The following MEGF10 variants were observed in gnomAD, a reference collection of about 807,000 sequenced individuals.
MEGF10 encodes multiple epidermal growth factor-like domains protein 10.
A neutral mutation model predicts 147.5 loss-of-function variants in MEGF10; 86 were observed. The observed-to-expected ratio is 0.58, with a 90% CI of 0.49 to 0.70. The LOEUF (loss-of-function observed/expected upper bound fraction) is 0.70, where lower values mean the gene tolerates loss of function less well. MEGF10 is among the 30% of genes least tolerant of loss of function. The pLI, the probability that MEGF10 is intolerant of heterozygous loss-of-function variation, is 0.00. For missense variants in MEGF10, 1,329 were observed against 1,487.3 expected, an observed-to-expected ratio of 0.89 and a Z score of 1.75; for synonymous variants, 478 against 525.5, an observed-to-expected ratio of 0.91 and a Z score of 1.24.
intron 16 of MEGF10, among the ~76,000 whole-genome samples, chr5:127,436,034 A>G (rs1765543781): frequency 6.6e-6 from 1 of 152,236 alleles, no homozygotes; most frequent in South Asian, 2.1e-4. Flanking sequence ...CATGAAAAAA[A>G]TGACATCGAC....
chr5:127,409,521 A>G (rs1339318610), intron 8 of MEGF10: 1 of 152,198 alleles, frequency 6.6e-6, no homozygotes, highest in Admixed American at 6.5e-5. Context: ...ATGAGCGATC[A>G]TTTTCTCTTT....
the MEGF10 span, among the ~76,000 whole-genome samples, chr5:127,252,947 A>T: frequency 6.6e-6 from 1 of 151,896 alleles, no homozygotes; most frequent in Non-Finnish European, 1.5e-5. Flanking sequence ...TTCATTTAAT[A>T]TGGCTAGCAT....
At position 127,433,516 on chromosome 5, in the gene MEGF10, G is replaced by T; in HGVS notation, c.1840+7G>T. On this transcript the variant is annotated splice_region_variant and intron_variant, in intron 14 of 24. Coordinates refer to ENST00000503335, the MANE Select transcript of MEGF10 (RefSeq NM_001256545.2). Reference sequence around the variant, plus strand: ...GGCACCACTTGTCAGAGGAGTAAGTGTCTCATTAGGCAGTAATTTCCACCT... The same window carrying T: ...GGCACCACTTGTCAGAGGAGTAAGTTTCTCATTAGGCAGTAATTTCCACCT... 1 of 1,592,082 alleles carries T rather than the reference G, an allele frequency of 6.3e-7. No individual in the cohort carries two copies. Among genetic ancestry groups the T allele is most frequent in the South Asian group, 1.1e-5 (1 of 87,074 alleles).
intron 1 of MEGF10, among the ~76,000 whole-genome samples, chr5:127,298,539 T>C (rs1253822491): frequency 6.6e-6 from 1 of 152,146 alleles, no homozygotes; most frequent in East Asian, 1.9e-4. Context: ...CTCCCTAGAT[T>C]TTGATTCGGT....
chr5:127,229,466 CCGGGCAG>C, the MEGF10 span: 1 of 151,950 alleles, frequency 6.6e-6, no homozygotes, highest in African/African-American at 2.4e-5. Flanking sequence ...TCGAGGCCTC[CCGGGCAG>C]GCCTGGCGGA....
intron 4 of MEGF10, among the ~76,000 whole-genome samples, chr5:127,364,674 T>G (rs958865676): frequency 2.0e-5 from 3 of 152,248 alleles, no homozygotes; most frequent in African/African-American, 7.2e-5. Flanking sequence ...ACTTTGCATG[T>G]AATTGTCCTC....
At chr5:127,407,903 T>A (rs1462184938) in intron 8 of MEGF10, among the ~76,000 whole-genome samples, 1 of 152,204 alleles carries the variant, frequency 6.6e-6, no homozygotes. Context: ...GAAGTAGACA[T>A]AACTATTATT....
At chr5:127,304,963 A>G (rs900853926) in intron 1 of MEGF10, among the ~76,000 whole-genome samples, 3 of 152,188 alleles carry the variant, frequency 2.0e-5, no homozygotes, top group South Asian at 2.1e-4. Context: ...CACCCTGTCT[A>G]TGGTATTTTG....
intron 2 of MEGF10, among the ~76,000 whole-genome samples, chr5:127,332,479 A>G (rs549286943): frequency 1.9e-4 from 29 of 152,266 alleles, no homozygotes; most frequent in African/African-American, 7.0e-4. Context: ...CAAGCACAGC[A>G]GTGGTATTAT....
intron 10 of MEGF10, 56 bp from the exon 11 acceptor site, chr5:127,419,064 T>C (rs1036399378): frequency 6.4e-7 from 1 of 1,561,128 alleles, no homozygotes; most frequent in Non-Finnish European, 8.7e-7. Context: ...TTTATTTGTG[T>C]TGGCCTTATT....
chr5:127,252,182 C>A, the MEGF10 span, among the ~76,000 whole-genome samples: 12 of 151,480 alleles, frequency 7.9e-5, no homozygotes, highest in African/African-American at 2.7e-4. Flanking sequence ...GATAAGAAGA[C>A]AAAATCTTTT....
intron 16 of MEGF10, among the ~76,000 whole-genome samples, chr5:127,438,074 G>A (rs1251342973): frequency 6.6e-6 from 1 of 152,182 alleles, no homozygotes; most frequent in Non-Finnish European, 1.5e-5. Flanking sequence ...GAAGCTTCCA[G>A]AGGATGGTTT....
intron 2 of MEGF10, among the ~76,000 whole-genome samples, chr5:127,334,146 G>A (rs1329910977): frequency 6.6e-6 from 1 of 152,068 alleles, no homozygotes; most frequent in Non-Finnish European, 1.5e-5. Context: ...TGACAGGTTC[G>A]TCTAGTATTT....
intron 23 of MEGF10, 42 bp from the exon 24 acceptor site, chr5:127,455,359 A>T: frequency 1.3e-6 from 2 of 1,503,690 alleles, no homozygotes; most frequent in Non-Finnish European, 1.8e-6. Flanking sequence ...TGATGTTGCC[A>T]GTGACACAGC....
intron 5 of MEGF10, among the ~76,000 whole-genome samples, chr5:127,383,576 T>C (rs1763329361): frequency 6.6e-6 from 1 of 152,054 alleles, no homozygotes; most frequent in Non-Finnish European, 1.5e-5. Context: ...TATAAAATAA[T>C]TCTATATCTT....
chr5:127,317,376 T>A (rs956714799), intron 1 of MEGF10, among the ~76,000 whole-genome samples: 5 of 152,240 alleles, frequency 3.3e-5, no homozygotes, highest in African/African-American at 1.2e-4. Context: ...TTTGGTGTTT[T>A]AGTCATGAAG....
chr5:127,347,030 C>T (rs1463421373), intron 4 of MEGF10, among the ~76,000 whole-genome samples: 1 of 151,972 alleles, frequency 6.6e-6, no homozygotes, highest in African/African-American at 2.4e-5. Flanking sequence ...TTGCCTATGA[C>T]AGGAGCTCAG....
At chr5:127,254,729 T>C in the MEGF10 span, among the ~76,000 whole-genome samples, 7,107 of 151,538 alleles carry the variant, frequency 0.047, 283 homozygotes, top group African/African-American at 0.1. Context: ...GAGAATTGCT[T>C]GAACCCAGGA....
chr5:127,370,879 GA>G lies in MEGF10; in HGVS notation c.412+882del, dbSNP rs571389255. Among the ~76,000 whole-genome samples, 341 of 152,272 alleles carry G rather than the reference GA, an allele frequency of 2.2e-3. 4 individuals are homozygous for G. The highest frequency in any genetic ancestry group is 5.5e-3 in the Admixed American group (84 of 15,282). On this transcript the variant is annotated intron_variant, in intron 5 of 24. Transcript: ENST00000503335. Reference sequence around the variant, plus strand: ...TGTAATGCGTGAAACATTACATTTTGAAAAAGGAAGCCATCGTTTTAAAAAG... The same window carrying G: ...TGTAATGCGTGAAACATTACATTTTGAAAAGGAAGCCATCGTTTTAAAAAG...
Sources: gnomAD v4.1 joint callset for allele counts (sites outside exome capture counted in the v4.1 genomes callset) on GRCh38, gnomAD v4.1.1 for gene constraint, MANE v1.5 for transcripts, NCBI Gene and HGNC (gene_info 2026-07-23, HGNC 2026-07-21) for gene names.